The following ST6GALNAC3 variants were observed in gnomAD, a reference collection of about 807,000 sequenced individuals.
ST6GALNAC3 encodes alpha-N-acetylgalactosaminide alpha-2,6-sialyltransferase 3.
Under a neutral mutation model 32.7 loss-of-function variants are expected in ST6GALNAC3, and 25 were observed. The ratio of observed to expected loss-of-function variants is 0.76; its 90% CI spans 0.56 to 1.07. The LOEUF (loss-of-function observed/expected upper bound fraction) is 1.07. Among genes scored for constraint, ST6GALNAC3 ranks in the 50% least tolerant of loss-of-function variants. The pLI is 0.00. For synonymous variants in ST6GALNAC3, 129 were observed against 133.1 expected (o/e 0.97, Z 0.21); for missense variants, 355 against 382.4 (o/e 0.93, Z 0.60).
intron 3 of ST6GALNAC3, among the ~76,000 whole-genome samples, chr1:76,508,391 G>A (rs536604723): frequency 1.3e-5 from 2 of 152,218 alleles, no homozygotes; most frequent in African/African-American, 4.8e-5. Context: ...TGTGGCCCTA[G>A]GGTTAGGGAC....
At chr1:76,107,200 C>T (rs1440688281) in intron 1 of ST6GALNAC3, among the ~76,000 whole-genome samples, 1 of 152,168 alleles carries the variant, frequency 6.6e-6, no homozygotes, top group Non-Finnish European at 1.5e-5. Flanking sequence ...TAACTTCTTC[C>T]CTGCCTAATC....
chr1:76,630,886 C>T lies in ST6GALNAC3; in HGVS notation c.*2080C>T. 1 of 985,550 alleles carries T rather than the reference C, an allele frequency of 1.0e-6. No homozygotes were observed. The highest frequency in any genetic ancestry group is 1.2e-6 in the Non-Finnish European group (1 of 829,760). 61.1% of individuals were successfully genotyped at this position (985,550 alleles called of 1,614,324 possible). On this transcript the variant is annotated 3_prime_UTR_variant, in exon 5 of 5. Coordinates refer to ENST00000328299, the MANE Select transcript of ST6GALNAC3 (RefSeq NM_152996.4). The stretch of plus-strand genomic sequence containing the variant: ...AAACAGAGACAAATGTTAAAATTGC[C>T]ATACAGACTGTTTTTCCCCCTGTTG...
At chr1:76,442,504 T>C (rs1656683669) in intron 3 of ST6GALNAC3, among the ~76,000 whole-genome samples, 1 of 152,236 alleles carries the variant, frequency 6.6e-6, no homozygotes, top group African/African-American at 2.4e-5. Context: ...GTACACATCC[T>C]AGTGGCAATG....
chr1:76,168,658 G>T (rs1652281334), intron 1 of ST6GALNAC3, among the ~76,000 whole-genome samples: 1 of 152,072 alleles, frequency 6.6e-6, no homozygotes, highest in Admixed American at 6.6e-5. Context: ...TCCTGTGTTG[G>T]GTGTATATCT....
At chr1:76,129,485 A>G (rs887885409) in intron 1 of ST6GALNAC3, among the ~76,000 whole-genome samples, 2 of 152,106 alleles carry the variant, frequency 1.3e-5, no homozygotes, top group South Asian at 2.1e-4. Flanking sequence ...CAAGAGTCCA[A>G]ATGGCCCCAG....
chr1:76,419,897 G>A lies in ST6GALNAC3; in HGVS notation c.623+7480G>A, dbSNP rs149171840. 3.5e-3 allele frequency among the ~76,000 whole-genome samples: 523 copies of A among 151,124 alleles called. 5 individuals are homozygous for A. Among genetic ancestry groups the A allele is most frequent in the Admixed American group, 0.014 (210 of 15,176 alleles). On this transcript the variant is annotated intron_variant, in intron 3 of 4. Coordinates refer to ENST00000328299, the MANE Select transcript of ST6GALNAC3 (RefSeq NM_152996.4). ...TGACCTACATGGACTCCTCTAGTTA[G>A]CTCTTTTTCTTTCTTTCTTTTGTTC...
In ST6GALNAC3 at chr1:76,629,788, T is replaced by A; in HGVS notation, c.*982T>A. ...TCAATTTGTATCCTATCATACTTCA[T>A]AATATATATTTGTATATTCAAATTT... On this transcript the variant is annotated 3_prime_UTR_variant, in exon 5 of 5. Transcript: ENST00000328299. 7.2e-6 allele frequency: 7 copies of A among 971,870 alleles called. No homozygotes were observed. Among genetic ancestry groups the A allele is most frequent in the Non-Finnish European group, 8.6e-6 (7 of 817,344 alleles). The allele number at this position is 971,870 out of a possible 1,614,324, so 60.2% of individuals were successfully genotyped here.
At chr1:76,611,513 G>C (rs1008263923) in intron 3 of ST6GALNAC3, among the ~76,000 whole-genome samples, 6 of 152,102 alleles carry the variant, frequency 3.9e-5, no homozygotes, top group African/African-American at 1.4e-4. Context: ...GTGATCAACA[G>C]CAAAGTGGTT....
intron 1 of ST6GALNAC3, among the ~76,000 whole-genome samples, chr1:76,170,575 G>A (rs1652425749): frequency 6.6e-6 from 1 of 152,194 alleles, no homozygotes; most frequent in Non-Finnish European, 1.5e-5. Context: ...AGGGATTATG[G>A]CACCAGAAGA....
chr1:76,251,037 A>G (rs191752458), intron 1 of ST6GALNAC3, among the ~76,000 whole-genome samples: 1 of 152,214 alleles, frequency 6.6e-6, no homozygotes, highest in Admixed American at 6.5e-5. Flanking sequence ...ACACATCTTT[A>G]CATAGAAATC....
intron 3 of ST6GALNAC3, among the ~76,000 whole-genome samples, chr1:76,510,226 C>T (rs1661761857): frequency 6.6e-6 from 1 of 152,160 alleles, no homozygotes. Context: ...CCACAGCATA[C>T]TAGGAGCTCT....
intron 2 of ST6GALNAC3, among the ~76,000 whole-genome samples, chr1:76,370,706 A>G (rs1177241689): frequency 6.6e-6 from 1 of 152,148 alleles, no homozygotes; most frequent in Non-Finnish European, 1.5e-5. Context: ...AGACTAGAAA[A>G]TGTTTTACAT....
At chr1:76,426,740 G>C (rs1029207043) in intron 3 of ST6GALNAC3, among the ~76,000 whole-genome samples, 11 of 151,968 alleles carry the variant, frequency 7.2e-5, no homozygotes, top group African/African-American at 2.4e-4. Context: ...TGGACATGCA[G>C]TAGTTTACCT....
At chr1:76,511,498 A>G (rs2101758064) in intron 3 of ST6GALNAC3, among the ~76,000 whole-genome samples, 1 of 152,216 alleles carries the variant, frequency 6.6e-6, no homozygotes, top group East Asian at 1.9e-4. Context: ...TTCCTCCCAC[A>G]GTGACCTGAG....
rs113136593 is a variant in ST6GALNAC3, at chr1:76,523,287, A to AT, written c.624-104157dup. On this transcript the variant is annotated intron_variant, in intron 3 of 4. Coordinates refer to ENST00000328299, the MANE Select transcript of ST6GALNAC3 (RefSeq NM_152996.4). Reference sequence around the variant, plus strand: ...TCTATTTTTCTTATTCATGTTATTCATTTTTTTTATAATGTTTGTCTTAAT... The same window carrying AT: ...TCTATTTTTCTTATTCATGTTATTCATTTTTTTTTATAATGTTTGTCTTAAT... Among the ~76,000 whole-genome samples the AT allele has an allele frequency of 2.9e-4, 44 of 151,822 alleles. 1 individual carries two copies. The highest frequency in any genetic ancestry group is 2.9e-3 in the Admixed American group (44 of 15,220).
chr1:76,630,263 T>G lies in ST6GALNAC3; in HGVS notation c.*1457T>G. 3.0e-6 allele frequency: 3 copies of G among 985,238 alleles called. No individual in the cohort carries two copies. The highest frequency in any genetic ancestry group is 1.7e-5 in the African/African-American group (1 of 57,328). The allele number at this position is 985,238 out of a possible 1,614,324, so 61.0% of individuals were successfully genotyped here. A position where few individuals can be genotyped will look rare whatever the true frequency, so the allele number is the denominator to read the frequency against. ...ACACAAAAAGTATCACAAAGGATGG[T>G]CTTGGCCATATGCTAGGGCCCCTGT... On this transcript the variant is annotated 3_prime_UTR_variant, in exon 5 of 5. Coordinates refer to ENST00000328299, the MANE Select transcript of ST6GALNAC3 (RefSeq NM_152996.4).
intron 2 of ST6GALNAC3, among the ~76,000 whole-genome samples, chr1:76,345,661 A>T (rs1032364323): frequency 6.6e-5 from 10 of 152,092 alleles, no homozygotes; most frequent in African/African-American, 2.4e-4. Context: ...GATTGAAGGC[A>T]AATTTTGTCA....
At chr1:76,177,938 C>A (rs1652950665) in intron 1 of ST6GALNAC3, among the ~76,000 whole-genome samples, 1 of 152,176 alleles carries the variant, frequency 6.6e-6, no homozygotes, top group African/African-American at 2.4e-5. Flanking sequence ...AGTCATCTAG[C>A]AGTGTAACAG....
chr1:76,489,699 G>C (rs1038349377), intron 3 of ST6GALNAC3, among the ~76,000 whole-genome samples: 1 of 152,114 alleles, frequency 6.6e-6, no homozygotes, highest in Non-Finnish European at 1.5e-5. Flanking sequence ...GGGGTCACGG[G>C]ACTTAGGTGC....
Sources: gnomAD v4.1 joint callset for allele counts (sites outside exome capture counted in the v4.1 genomes callset) on GRCh38, gnomAD v4.1.1 for gene constraint, MANE v1.5 for transcripts, NCBI Gene and HGNC (gene_info 2026-07-23, HGNC 2026-07-21) for gene names.